The following ANKDD1B variants were observed in gnomAD, a reference collection of about 807,000 sequenced individuals.
ANKDD1B encodes ankyrin repeat and death domain containing 1B.
ANKDD1B carries 57 observed loss-of-function variants against 59.7 expected under a neutral mutation model. That is an observed-to-expected ratio of 0.95 (90% CI 0.77 to 1.19). The LOEUF (loss-of-function observed/expected upper bound fraction) is 1.19. Among genes scored for constraint, ANKDD1B ranks in the 50% most tolerant of loss-of-function variants. ANKDD1B has a pLI of 0.00. For synonymous variants in ANKDD1B, 216 were observed against 239.5 expected (o/e 0.90, Z 0.91); for missense variants, 602 against 641.9 (o/e 0.94, Z 0.67).
intron 5 of ANKDD1B, among the ~76,000 whole-genome samples, chr5:75,628,579 A>G (rs1334635812): frequency 6.6e-6 from 1 of 152,240 alleles, no homozygotes; most frequent in African/African-American, 2.4e-5. Context: ...TTTCTTATCA[A>G]CAGAAAGTGA....
chr5:75,620,214 T>C (rs1773810699), intron 2 of ANKDD1B, 101 bp from the exon 3 acceptor site: 2 of 590,738 alleles, frequency 3.4e-6, no homozygotes, highest in Non-Finnish European at 5.9e-6. Flanking sequence ...ACAATCAAAA[T>C]AGAAACACTT....
chr5:75,670,949 T>C, intron 13 of ANKDD1B, 30 bp from the exon 14 acceptor site: 9 of 1,037,008 alleles, frequency 8.7e-6, no homozygotes, highest in Non-Finnish European at 1.1e-5. Context: ...AAATTTTAGG[T>C]ATTCATAAAT....
chr5:75,651,942 G>T (rs750865392), intron 7 of ANKDD1B, among the ~76,000 whole-genome samples: 2 of 152,212 alleles, frequency 1.3e-5, no homozygotes, highest in Non-Finnish European at 2.9e-5. Flanking sequence ...GGCAGAAAGA[G>T]AACTAGCCAG....
chr5:75,616,800 TC>T lies in ANKDD1B; in HGVS notation c.194-3del. ...TCAGTCATGCTTGCTTTGCTTTCTT[TC>T]AGTACTCCCAAATGAGAGAAGCTTT... On this transcript the variant is annotated splice_polypyrimidine_tract_variant and splice_region_variant and intron_variant, in intron 1 of 13. Transcript: ENST00000601380. 2 of 1,464,666 alleles carry T rather than the reference TC, an allele frequency of 1.4e-6. No homozygotes were observed. The allele number at this position is 1,464,666 out of a possible 1,614,324, so 90.7% of individuals were successfully genotyped here.
intron 13 of ANKDD1B, 114 bp downstream of exon 13, chr5:75,669,497 A>T (rs760218927): frequency 1.6e-5 from 15 of 960,004 alleles, no homozygotes; most frequent in African/African-American, 3.4e-5. Context: ...GCTGTGGCTC[A>T]CACGGAGTAT....
At chr5:75,667,194 C>T (rs190981786) in intron 12 of ANKDD1B, among the ~76,000 whole-genome samples, 1 of 152,336 alleles carries the variant, frequency 6.6e-6, no homozygotes, top group Admixed American at 6.5e-5. Flanking sequence ...CACTCATGGT[C>T]TGCAGTAAAC....
intron 5 of ANKDD1B, among the ~76,000 whole-genome samples, chr5:75,629,661 A>G (rs1270481745): frequency 2.0e-5 from 3 of 152,176 alleles, no homozygotes; most frequent in Non-Finnish European, 2.9e-5. Context: ...TTAGCCAGGC[A>G]CAGTGGCTCA....
At chr5:75,648,270 A>AAAAAAGAAAATT (rs1774706838) in intron 7 of ANKDD1B, among the ~76,000 whole-genome samples, 1 of 88,112 alleles carries the variant, frequency 1.1e-5, no homozygotes, top group Non-Finnish European at 1.9e-5. Flanking sequence ...AAAAAATTAA[A>AAAAAAGAAAATT]AAAAAAAAAA....
At chr5:75,656,735 C>T (rs1161855585) in intron 9 of ANKDD1B, among the ~76,000 whole-genome samples, 1 of 152,174 alleles carries the variant, frequency 6.6e-6, no homozygotes, top group Non-Finnish European at 1.5e-5. Context: ...CTGGCCTGCC[C>T]TCTTCCAGGA....
rs1050015964 is a variant in ANKDD1B at position 75,650,333 on chromosome 5, G to C, written c.799-2809G>C. ...GATGTCAGTGATGCAATGTGAGAAGGCCTCAGCTAACTGTTGCTGGTTTTG... is the reference window on the plus strand; with the variant it reads ...GATGTCAGTGATGCAATGTGAGAAGCCCTCAGCTAACTGTTGCTGGTTTTG... On this transcript the variant is annotated intron_variant, in intron 7 of 13. Coordinates refer to ENST00000601380, the MANE Select transcript of ANKDD1B (RefSeq NM_001276713.2). Among the ~76,000 whole-genome samples the C allele has an allele frequency of 2.0e-5, 3 of 152,196 alleles. No homozygotes were observed. The East Asian group carries it at 5.8e-4, about 29-fold the overall frequency.
chr5:75,666,696 A>G (rs1433000332), intron 11 of ANKDD1B, 96 bp from the exon 12 acceptor site: 1 of 895,674 alleles, frequency 1.1e-6, no homozygotes. Context: ...CTCGGTTACC[A>G]CCTTACTAGT....
intron 7 of ANKDD1B, among the ~76,000 whole-genome samples, chr5:75,636,277 A>G (rs1055233775): frequency 5.9e-5 from 9 of 152,174 alleles, no homozygotes; most frequent in Admixed American, 5.9e-4. Flanking sequence ...AGAAGAGGTG[A>G]TATATTATCT....
intron 1 of ANKDD1B, among the ~76,000 whole-genome samples, chr5:75,615,894 A>G (rs943013547): frequency 1.6e-4 from 25 of 152,158 alleles, no homozygotes; most frequent in African/African-American, 5.8e-4. Flanking sequence ...AATATTTCCC[A>G]AGAAGATACT....
chr5:75,661,070 GTTTTTTTGTTTT>G (rs1775123026), intron 10 of ANKDD1B, among the ~76,000 whole-genome samples: 2 of 146,098 alleles, frequency 1.4e-5, no homozygotes, highest in Non-Finnish European at 3.0e-5. Flanking sequence ...CTAAAATTAG[GTTTTTTTGTTTT>G]TTTTTTTCTG....
In ANKDD1B at chr5:75,666,943, C is replaced by A. The variant is rs6453139; in HGVS notation, c.1343C>A (p.Ser448Ter). Residue 448 changes from serine to a stop codon, truncating the protein, a stop_gained, in exon 12 of 14, where the codon TCG becomes TAG. Coordinates refer to ENST00000601380, the MANE Select transcript of ANKDD1B (RefSeq NM_001276713.2). LOFTEE classifies it high-confidence loss of function. ...KANEWQRLAR[S>*]WNFTDDQIRA... ...AATGAGTGGCAGAGGCTGGCCCGTTCGTGGAACTTTACAGATGACCAGATT... is the reference window on the plus strand; with the variant it reads ...AATGAGTGGCAGAGGCTGGCCCGTTAGTGGAACTTTACAGATGACCAGATT... 26 of 1,516,954 alleles carry A rather than the reference C, an allele frequency of 1.7e-5. No individual in the cohort carries two copies. Among genetic ancestry groups the A allele is most frequent in the Non-Finnish European group, 1.8e-5 (21 of 1,138,508 alleles). The allele number at this position is 1,516,954 out of a possible 1,614,324, so 94.0% of individuals were successfully genotyped here.
At position 75,659,299 on chromosome 5, in the gene ANKDD1B, T is replaced by G; in HGVS notation, c.1013T>G (p.Leu338Arg). The G allele has an allele frequency of 6.5e-7, 1 of 1,535,976 alleles. No individual in the cohort carries two copies. Among genetic ancestry groups the G allele is most frequent in the Non-Finnish European group, 8.7e-7 (1 of 1,146,750 alleles). ...TCATGGCAGAAGCAGCAAACCCCTC[T>G]GCATGTAGCTGCTGATCGTGGAAAT... is the stretch of plus-strand genomic sequence containing the variant. Reference protein sequence around the residue: ...DILNQKQQTPLHVAADRGNVE... With the variant: ...DILNQKQQTPRHVAADRGNVE... The change falls in exon 10 of 14, where the codon CTG (leucine) becomes CGG (arginine). Residue 338 changes from leucine to arginine, a missense_variant. Physicochemically the swap from Leu to Arg is moderately radical, Grantham distance 102. Coordinates refer to ENST00000601380, the MANE Select transcript of ANKDD1B (RefSeq NM_001276713.2).
chr5:75,615,044 C>T (rs548586209), intron 1 of ANKDD1B, among the ~76,000 whole-genome samples: 163 of 151,860 alleles, frequency 1.1e-3, no homozygotes, highest in African/African-American at 3.7e-3. Context: ...GTTATGGCAG[C>T]AAAAACAGAC....
chr5:75,670,847 A>G, intron 13 of ANKDD1B, 132 bp from the exon 14 acceptor site: 1 of 385,208 alleles, frequency 2.6e-6, no homozygotes, highest in Non-Finnish European at 4.5e-6. Flanking sequence ...CTTCTCATTT[A>G]TTAACTAGGA....
At chr5:75,665,378 C>T (rs1468327981) in intron 11 of ANKDD1B, among the ~76,000 whole-genome samples, 1 of 152,226 alleles carries the variant, frequency 6.6e-6, no homozygotes, top group African/African-American at 2.4e-5. Context: ...ATTTTGTGTT[C>T]TTCCCTTTCC....
Sources: gnomAD v4.1 joint callset for allele counts (sites outside exome capture counted in the v4.1 genomes callset) on GRCh38, gnomAD v4.1.1 for gene constraint, MANE v1.5 for transcripts, NCBI Gene and HGNC (gene_info 2026-07-23, HGNC 2026-07-21) for gene names.